HIPK2: variants seen among roughly 807,000 people sequenced by gnomAD.
HIPK2 encodes the protein homeodomain interacting protein kinase 2.
HIPK2 carries 27 observed loss-of-function variants against 113.7 expected under a neutral mutation model. That is an observed-to-expected ratio of 0.24 (90% CI 0.17 to 0.33). HIPK2 has a LOEUF of 0.33. HIPK2 is among the 10% of genes least tolerant of loss of function. HIPK2 has a pLI of 1.00. For missense variants in HIPK2, 1,257 were observed against 1,588.0 expected, an observed-to-expected ratio of 0.79 and a Z score of 3.54; for synonymous variants, 631 against 642.2, an observed-to-expected ratio of 0.98 and a Z score of 0.26.
chr7:139,718,003 C>T (rs866221399), intron 1 of HIPK2, among the ~76,000 whole-genome samples: 2 of 152,150 alleles, frequency 1.3e-5, no homozygotes, highest in Admixed American at 1.3e-4. Context: ...CTCAGCCTCC[C>T]AAAGTGCTGG....
At chr7:139,615,611 C>G (rs1800011696) in intron 7 of HIPK2, among the ~76,000 whole-genome samples, 1 of 152,234 alleles carries the variant, frequency 6.6e-6, no homozygotes, top group African/African-American at 2.4e-5. Context: ...GTTTCACATT[C>G]AGCACTGTCT....
At chr7:139,643,911 C>T (rs1378156763) in intron 2 of HIPK2, among the ~76,000 whole-genome samples, 1 of 152,182 alleles carries the variant, frequency 6.6e-6, no homozygotes, top group Non-Finnish European at 1.5e-5. Flanking sequence ...CCAATATCCC[C>T]CAATCTGGTC....
intron 9 of HIPK2, among the ~76,000 whole-genome samples, chr7:139,605,592 C>T (rs934245782): frequency 5.9e-5 from 9 of 152,118 alleles, no homozygotes; most frequent in Admixed American, 1.3e-4. Flanking sequence ...AAAACATTGA[C>T]GCTTATAAAA....
In HIPK2 at chr7:139,613,264, G is replaced by A. The variant is rs1799901044; in HGVS notation, c.2050C>T (p.Pro684Ser). Residue 684 changes from proline to serine, a missense_variant, in exon 9 of 15, where the codon CCC becomes TCC. Physicochemically the swap from Pro to Ser is moderately conservative, Grantham distance 74. Transcript: ENST00000406875. This position sits in a 1 kb window ranked among gnomAD's most constrained non-coding sequence, Gnocchi z 4.2. Reference protein sequence around the residue: ...GYSVRMENAVPIVTQAPGAQP... With the variant: ...GYSVRMENAVSIVTQAPGAQP... ...GCTCCTGGGGCTTGAGTGACGATGGGAACTGCATTTTCCATTCGCACCGAG... is the reference window on the plus strand; with the variant it reads ...GCTCCTGGGGCTTGAGTGACGATGGAAACTGCATTTTCCATTCGCACCGAG... 6.2e-7 allele frequency: 1 copy of A among 1,613,718 alleles called. No individual in the cohort carries two copies. Among genetic ancestry groups the A allele is most frequent in the South Asian group, 1.1e-5 (1 of 91,030 alleles).
At chr7:139,640,085 T>C (rs1351337423) in intron 2 of HIPK2, among the ~76,000 whole-genome samples, 1 of 152,194 alleles carries the variant, frequency 6.6e-6, no homozygotes, top group African/African-American at 2.4e-5. Context: ...CATGGAACCA[T>C]CTTAAAGAAT....
At chr7:139,581,176 C>T (rs960440838) in intron 13 of HIPK2, among the ~76,000 whole-genome samples, 2 of 152,230 alleles carry the variant, frequency 1.3e-5, no homozygotes, top group African/African-American at 2.4e-5. Context: ...GCCGAGATCG[C>T]GCCACTGCAC....
rs1380106959 is a variant in HIPK2, at chr7:139,722,818, T to C, written c.20-5803A>G. On this transcript the variant is annotated intron_variant, in intron 1 of 14. Coordinates refer to ENST00000406875, the MANE Select transcript of HIPK2 (RefSeq NM_022740.5). ...GATGGGTTTAAGCTTCTGTGATAAG[T>C]GAAAAAAATCAGACCCTGACCCCAG... is the stretch of plus-strand genomic sequence containing the variant. Among the ~76,000 whole-genome samples, 5 of 152,130 alleles carry C rather than the reference T, an allele frequency of 3.3e-5. No individual in the cohort carries two copies. In the South Asian group the frequency reaches 1.0e-3, roughly 32 times the overall value.
At position 139,716,128 on chromosome 7, in the gene HIPK2, G is replaced by A. The variant is rs1440379948; in HGVS notation, c.907C>T (p.Pro303Ser). ...FSPLPLKYIR[P>S]VLQQVATALM... ...GCTGTGGCTACCTGCTGGAGAACTG[G>A]GCGAATGTATTTGAGGGGCAAGGGG... Residue 303 changes from proline (P) to serine (S), a missense_variant, in exon 2 of 15, where the codon CCA (proline) becomes TCA (serine). Pro to Ser is a moderately conservative substitution (Grantham distance 74, BLOSUM62 -1). This residue lies in a region of HIPK2 where 24 missense variants were observed against 18.1 expected (regional missense o/e 1.33). Coordinates refer to ENST00000406875, the MANE Select transcript of HIPK2 (RefSeq NM_022740.5). The surrounding 1 kb of genome is among the most constrained non-coding windows in gnomAD (Gnocchi z 9.3). 2 of 1,613,906 alleles carry A rather than the reference G, an allele frequency of 1.2e-6. No homozygotes were observed. The highest frequency in any genetic ancestry group is 4.5e-5 in the East Asian group (2 of 44,898).
intron 9 of HIPK2, among the ~76,000 whole-genome samples, chr7:139,608,049 G>A (rs1247929835): frequency 6.6e-6 from 1 of 151,910 alleles, no homozygotes; most frequent in African/African-American, 2.4e-5. Flanking sequence ...GACCAGCCTG[G>A]CCAACACATT....
chr7:139,620,154 G>A (rs2116833299), intron 7 of HIPK2, among the ~76,000 whole-genome samples: 1 of 152,284 alleles, frequency 6.6e-6, no homozygotes, highest in African/African-American at 2.4e-5. Flanking sequence ...GAGGAAAGCA[G>A]TAAGGGGAAC....
At chr7:139,664,843 C>A (rs181286394) in intron 2 of HIPK2, among the ~76,000 whole-genome samples, 15 of 152,308 alleles carry the variant, frequency 9.8e-5, no homozygotes, top group Middle Eastern at 3.4e-3. Context: ...CTGCTACTAA[C>A]TGCTCCCTAT....
intron 2 of HIPK2, among the ~76,000 whole-genome samples, chr7:139,666,816 A>G (rs1409925541): frequency 1.3e-5 from 2 of 152,232 alleles, no homozygotes; most frequent in African/African-American, 4.8e-5. Flanking sequence ...TAATCCTAGC[A>G]GTTTGGGAGG....
intron 2 of HIPK2, among the ~76,000 whole-genome samples, chr7:139,693,337 A>G (rs901565242): frequency 2.6e-5 from 4 of 152,248 alleles, no homozygotes; most frequent in African/African-American, 9.6e-5. Flanking sequence ...TGGAGCAAAG[A>G]GAATTAAACT....
intron 2 of HIPK2, among the ~76,000 whole-genome samples, chr7:139,650,343 C>T (rs1801410794): frequency 9.9e-6 from 1 of 101,228 alleles, no homozygotes; most frequent in Admixed American, 9.5e-5. Context: ...GAGCAAGACT[C>T]CATCTCAAAA....
At chr7:139,751,590 A>AGATG (rs36202472) in intron 1 of HIPK2, among the ~76,000 whole-genome samples, 23,315 of 145,866 alleles carry the variant, frequency 0.16, 3,181 homozygotes, top group African/African-American at 0.36. Flanking sequence ...TTGGATGGAT[A>AGATG]GATGGATGGA....
In HIPK2 at chr7:139,583,852, C is replaced by G; in HGVS notation, c.2930G>C (p.Ser977Thr). 1 of 1,612,824 alleles carries G rather than the reference C, an allele frequency of 6.2e-7. No individual in the cohort carries two copies. Among genetic ancestry groups the G allele is most frequent in the Non-Finnish European group, 8.5e-7 (1 of 1,179,420 alleles). ...IIVPPLKTQA[S>T]EVLVECDSLV... is the part of the protein sequence containing the mutation. ...GCTATCACACTCCACCAATACTTCG[C>G]TGGCCTGGGTTTTCAGGGGTGGCAC... Residue 977 changes from serine (S) to threonine (T), a missense_variant, in exon 13 of 15, where the codon AGC becomes ACC. Physicochemically the swap from Ser to Thr is moderately conservative, Grantham distance 58. Around this residue, in one of 5 missense-constraint regions of HIPK2, gnomAD observed 862 missense variants for 1,004.3 expected, o/e 0.86. Coordinates refer to ENST00000406875, the MANE Select transcript of HIPK2 (RefSeq NM_022740.5).
intron 13 of HIPK2, 82 bp downstream of exon 13, chr7:139,583,735 T>TA (rs771699430): frequency 2.8e-5 from 43 of 1,549,360 alleles, no homozygotes; most frequent in Non-Finnish European, 6.1e-6. Flanking sequence ...CTAGCTCCCA[T>TA]ACAGCAACAT....
At chr7:139,767,401 C>T (rs966671471) in intron 1 of HIPK2, among the ~76,000 whole-genome samples, 5 of 152,172 alleles carry the variant, frequency 3.3e-5, no homozygotes, top group East Asian at 1.9e-4. Context: ...GGCAAATACA[C>T]GCTCAAGGAA....
chr7:139,768,316 A>G (rs184451724), intron 1 of HIPK2, among the ~76,000 whole-genome samples: 2 of 152,336 alleles, frequency 1.3e-5, no homozygotes, highest in Non-Finnish European at 2.9e-5. Flanking sequence ...GGTGGGGAGT[A>G]GCCCCAGACA....
Sources: allele counts gnomAD v4.1 joint callset (sites outside exome capture counted in the v4.1 genomes callset), GRCh38; gene constraint gnomAD v4.1.1; regional missense constraint gnomAD v4.1.1; non-coding constraint Gnocchi (gnomAD v3.1); transcripts MANE v1.5; gene names NCBI Gene and HGNC (gene_info 2026-07-23, HGNC 2026-07-21).